The following PRR27 variants were observed in gnomAD, a reference collection of about 807,000 sequenced individuals.
PRR27 encodes proline-rich protein 27.
In PRR27, 12 loss-of-function variants were observed where a neutral mutation model predicts 16.8. The observed-to-expected ratio is 0.71, with a 90% CI of 0.46 to 1.16. PRR27 has a LOEUF of 1.16. Ranked by LOEUF, PRR27 falls within the 50% of genes most tolerant of loss-of-function variation. The pLI, the probability that PRR27 is intolerant of heterozygous loss-of-function variation, is 0.00. For synonymous variants in PRR27, 100 were observed against 98.4 expected (o/e 1.02, Z -0.10); for missense variants, 277 against 273.3 (o/e 1.01, Z -0.10).
At chr4:70,160,441 CTCTGTG>C (rs1421134153) in intron 3 of PRR27, among the ~76,000 whole-genome samples, 2 of 87,454 alleles carry the variant, frequency 2.3e-5, no homozygotes, top group Admixed American at 1.5e-4. Flanking sequence ...CTCTCTCTCT[CTCTGTG>C]TGTGTGTGTG....
Position 70,166,551 on chromosome 4 carries a change from T to C in PRR27, c.*3890T>C, listed in dbSNP as rs985329755. 6 of 152,112 alleles carry C rather than the reference T, an allele frequency of 3.9e-5. No individual in the cohort carries two copies. Among genetic ancestry groups the C allele is most frequent in the African/African-American group, 1.4e-4 (6 of 41,450 alleles). The allele number at this position is 152,112 out of a possible 1,614,324, so 9.4% of individuals were successfully genotyped here. A position where few individuals can be genotyped will look rare whatever the true frequency, so the allele number is the denominator to read the frequency against. ...AATAAGAACATTTTCTCTAACCATTTTGAATACGAATAACCATGGATTCTA... is the reference window on the plus strand; with the variant it reads ...AATAAGAACATTTTCTCTAACCATTCTGAATACGAATAACCATGGATTCTA... On this transcript the variant is annotated 3_prime_UTR_variant, in exon 5 of 5. Coordinates refer to ENST00000344526, the MANE Select transcript of PRR27 (RefSeq NM_214711.4).
intron 1 of PRR27, among the ~76,000 whole-genome samples, chr4:70,155,054 A>C (rs1188383664): frequency 1.3e-5 from 2 of 152,174 alleles, no homozygotes; most frequent in African/African-American, 4.8e-5. Flanking sequence ...GTAATTATAT[A>C]AAGTGCTTAG....
At chr4:70,161,685 C>A in intron 4 of PRR27, 55 bp downstream of exon 4, 2 of 805,270 alleles carry the variant, frequency 2.5e-6, no homozygotes, top group Non-Finnish European at 3.9e-6. Flanking sequence ...GGTTAAATCT[C>A]ATAATCTGAA....
intron 1 of PRR27, chr4:70,154,892 T>C (rs1311835892): frequency 1.3e-5 from 8 of 598,098 alleles, no homozygotes; most frequent in Non-Finnish European, 2.1e-5. Flanking sequence ...GCAATGGCCT[T>C]TAGTGTAACA....
At chr4:70,154,770 C>T (rs1728438688) in intron 1 of PRR27, 1 of 1,318,444 alleles carries the variant, frequency 7.6e-7, no homozygotes, top group African/African-American at 1.5e-5. Context: ...CTTCCTATGG[C>T]TGTGAAGTGC....
In PRR27 at chr4:70,166,260, T is replaced by G. The variant is rs866367287; in HGVS notation, c.*3599T>G. On this transcript the variant is annotated 3_prime_UTR_variant, in exon 5 of 5. Coordinates refer to ENST00000344526, the MANE Select transcript of PRR27 (RefSeq NM_214711.4). The stretch of plus-strand genomic sequence containing the variant: ...TTCCTACATTATGCTATAGAACTTA[T>G]AGACTAATTTAAGTTAATTATAGGC... 1 of 152,060 alleles carries G rather than the reference T, an allele frequency of 6.6e-6. No homozygotes were observed. The highest frequency in any genetic ancestry group is 1.5e-5 in the Non-Finnish European group (1 of 67,940). 9.4% of individuals were successfully genotyped at this position (152,060 alleles called of 1,614,324 possible). A position where few individuals can be genotyped will look rare whatever the true frequency, so the allele number is the denominator to read the frequency against.
At chr4:70,154,917 T>G (rs1018438002) in intron 1 of PRR27, 6 of 423,978 alleles carry the variant, frequency 1.4e-5, no homozygotes, top group African/African-American at 1.2e-4. Context: ...TAGATGAAAC[T>G]CTAATGTAAG....
At chr4:70,160,123 A>G (rs181835451) in intron 3 of PRR27, among the ~76,000 whole-genome samples, 5 of 152,296 alleles carry the variant, frequency 3.3e-5, no homozygotes, top group East Asian at 3.9e-4. Context: ...GCTGAGGTTT[A>G]GAGAATGGAT....
chr4:70,154,365 G>A lies in PRR27; in HGVS notation c.-11G>A, dbSNP rs753256062. On this transcript the variant is annotated 5_prime_UTR_variant, in exon 1 of 5. Transcript: ENST00000344526. ...AAATTTATAGTGTTAATATTCATAG[G>A]GTCAATCAAAATGAAGCTTCTCCTT... is the stretch of plus-strand genomic sequence containing the variant. 1.1e-5 allele frequency: 17 copies of A among 1,602,096 alleles called. No individual in the cohort carries two copies. The highest frequency in any genetic ancestry group is 1.4e-5 in the Non-Finnish European group (16 of 1,169,594).
rs1000382811 is a variant in PRR27 at position 70,163,311 on chromosome 4, C to G, written c.*650C>G. ...TCCCTAACAGAAATGGAGGAATAGC[C>G]TCTTTTTTTTTTTTTTTTTTTGAGA... is the stretch of plus-strand genomic sequence containing the variant. On this transcript the variant is annotated 3_prime_UTR_variant, in exon 5 of 5. Transcript: ENST00000344526. 1.7e-5 allele frequency: 2 copies of G among 120,870 alleles called. No individual in the cohort carries two copies. Among genetic ancestry groups the G allele is most frequent in the Admixed American group, 1.9e-4 (2 of 10,264 alleles). 7.5% of individuals were successfully genotyped at this position (120,870 alleles called of 1,614,324 possible). A position where few individuals can be genotyped will look rare whatever the true frequency, so the allele number is the denominator to read the frequency against.
chr4:70,160,745 CA>C (rs58460614), intron 3 of PRR27, among the ~76,000 whole-genome samples: 136,404 of 149,510 alleles, frequency 0.91, 62,954 homozygotes, highest in East Asian at 0.99. Flanking sequence ...TGTTTTCAGA[CA>C]AAAAAAAAAA....
intron 4 of PRR27, 122 bp from the exon 5 acceptor site, chr4:70,162,573 C>G (rs968914607): frequency 6.6e-6 from 1 of 152,062 alleles, no homozygotes; most frequent in African/African-American, 2.4e-5. Flanking sequence ...TTGTAGATAA[C>G]CATTCATTAT....
chr4:70,157,723 G>A (rs907598203), intron 2 of PRR27, among the ~76,000 whole-genome samples: 1 of 152,056 alleles, frequency 6.6e-6, no homozygotes, highest in African/African-American at 2.4e-5. Context: ...GTTTCACCAT[G>A]TTGGCCAGGA....
At position 70,158,651 on chromosome 4, in the gene PRR27, T is replaced by C; in HGVS notation, c.399T>C (p.Pro133=). The C allele has an allele frequency of 6.2e-7, 1 of 1,614,044 alleles. No individual in the cohort carries two copies. Among genetic ancestry groups the C allele is most frequent in the Non-Finnish European group, 8.5e-7 (1 of 1,179,986 alleles). Residue 133 remains proline (P), a synonymous_variant, in exon 3 of 5, where the codon CCT becomes CCC. Transcript: ENST00000344526. ...APAAPPIAAE[P]AAAAPLTATP... ...CTGCCCCACCTATTGCAGCTGAGCC[T>C]GCTGCAGCTGCACCTCTTACAGCCA...
intron 3 of PRR27, among the ~76,000 whole-genome samples, chr4:70,159,240 C>T (rs1355942): frequency 0.45 from 68,709 of 151,982 alleles, 16,902 homozygotes; most frequent in Non-Finnish European, 0.57. Context: ...TAGAATTTTA[C>T]GTAAGTGGAA....
Position 70,164,652 on chromosome 4 carries a change from G to A in PRR27, c.*1991G>A, listed in dbSNP as rs1393594046. On this transcript the variant is annotated 3_prime_UTR_variant, in exon 5 of 5. Coordinates refer to ENST00000344526, the MANE Select transcript of PRR27 (RefSeq NM_214711.4). ...ATCATACATGATAGTCAATTTTAAT[G>A]ATTATGTTGTCAAAATTCAGGCTTT... The A allele has an allele frequency of 6.6e-6, 1 of 152,026 alleles. No individual in the cohort carries two copies. The highest frequency in any genetic ancestry group is 1.5e-5 in the Non-Finnish European group (1 of 67,954). 9.4% of individuals were successfully genotyped at this position (152,026 alleles called of 1,614,324 possible).
chr4:70,158,521 T>C lies in PRR27; in HGVS notation c.269T>C (p.Ile90Thr), dbSNP rs1296421476. The change falls in exon 3 of 5, where the codon ATC becomes ACC. Residue 90 changes from isoleucine (I) to threonine (T), a missense_variant. Transcript: ENST00000344526. ...TSPGFPYVYH[I>T]RGFPLATQLN... ...CCTGGATTCCCCTATGTCTATCACA[T>C]CCGTGGTTTTCCCTTAGCTACTCAG... is the stretch of plus-strand genomic sequence containing the variant. 9 of 1,614,136 alleles carry C rather than the reference T, an allele frequency of 5.6e-6. No homozygotes were observed. The highest frequency in any genetic ancestry group is 6.8e-6 in the Non-Finnish European group (8 of 1,180,000).
At chr4:70,155,693 G>GCACACACACA (rs72148610) in intron 1 of PRR27, among the ~76,000 whole-genome samples, 2 of 150,280 alleles carry the variant, frequency 1.3e-5, no homozygotes, top group African/African-American at 2.5e-5. Flanking sequence ...ACACACAGAT[G>GCACACACACA]CACACACACA....
chr4:70,155,050 A>T (rs1728444465), intron 1 of PRR27, among the ~76,000 whole-genome samples: 1 of 152,184 alleles, frequency 6.6e-6, no homozygotes, highest in African/African-American at 2.4e-5. Flanking sequence ...TAAGGTAATT[A>T]TATAAAGTGC....
Sources: allele counts gnomAD v4.1 joint callset (sites outside exome capture counted in the v4.1 genomes callset), GRCh38; gene constraint gnomAD v4.1.1; transcripts MANE v1.5; gene names NCBI Gene and HGNC (gene_info 2026-07-23, HGNC 2026-07-21).